RBFOX1: variants seen among roughly 807,000 people sequenced by gnomAD.
RBFOX1 encodes RNA binding fox-1 homolog 1, also known as RNA binding protein fox-1 homolog 1.
In RBFOX1, 8 loss-of-function variants were observed where a neutral mutation model predicts 57.7. The ratio of observed to expected loss-of-function variants is 0.14; its 90% confidence interval spans 0.08 to 0.25. The LOEUF (loss-of-function observed/expected upper bound fraction) is 0.25. RBFOX1 is among the 10% of genes least tolerant of loss of function. The pLI is 1.00. For missense variants in RBFOX1, 611 were observed against 548.5 expected (o/e 1.11, Z -1.14); for synonymous variants, 326 against 222.4 (o/e 1.47, Z -4.15).
At chr16:5,418,080 T>TCAACAACAACAA (rs58380992) in intron 1 of RBFOX1, among the ~76,000 whole-genome samples, 5 of 150,878 alleles carry the variant, frequency 3.3e-5, no homozygotes, top group African/African-American at 1.2e-4. Flanking sequence ...AAACTCCATC[T>TCAACAACAACAA]CAACAACAAC....
intron 1 of RBFOX1, chr16:6,037,575 CTTTTTTTTG>C (rs2095382462): frequency 1.4e-5 from 2 of 142,982 alleles, no homozygotes; most frequent in Non-Finnish European, 3.1e-5. Flanking sequence ...TCTTTTTTTT[CTTTTTTTTG>C]TTTTGTTTTG....
At chr16:5,271,827 C>T (rs984106620) in intron 1 of RBFOX1, among the ~76,000 whole-genome samples, 5 of 152,196 alleles carry the variant, frequency 3.3e-5, no homozygotes, top group Admixed American at 6.6e-5. Flanking sequence ...TTAGATTCCA[C>T]ATGTAAGTAA....
intron 4 of RBFOX1, among the ~76,000 whole-genome samples, chr16:7,387,065 T>C (rs1249955142): frequency 1.3e-5 from 2 of 152,178 alleles, no homozygotes; most frequent in East Asian, 3.9e-4. Flanking sequence ...GCCCACTTTT[T>C]GATGGGGTTG....
At chr16:6,083,358 T>C (rs1597132941) in intron 1 of RBFOX1, among the ~76,000 whole-genome samples, 1 of 152,334 alleles carries the variant, frequency 6.6e-6, no homozygotes, top group Non-Finnish European at 1.5e-5. Flanking sequence ...CACAGACATT[T>C]ATGGAGACTC....
At chr16:7,027,794 A>G (rs2153685695) in intron 3 of RBFOX1, among the ~76,000 whole-genome samples, 1 of 152,166 alleles carries the variant, frequency 6.6e-6, no homozygotes, top group South Asian at 2.1e-4. Flanking sequence ...TTTAAACAAG[A>G]AAAGGAAGAA....
At chr16:7,495,679 A>T (rs144028067) in intron 4 of RBFOX1, among the ~76,000 whole-genome samples, 97 of 152,242 alleles carry the variant, frequency 6.4e-4, no homozygotes, top group African/African-American at 2.2e-3. Context: ...AATTTATTCA[A>T]GTTTTAATAT....
chr16:6,838,156 G>T (rs1385798099), intron 3 of RBFOX1, among the ~76,000 whole-genome samples: 1 of 151,990 alleles, frequency 6.6e-6, no homozygotes, highest in East Asian at 1.9e-4. Flanking sequence ...TTAAGTATTT[G>T]TCCTAATGCT....
intron 4 of RBFOX1, among the ~76,000 whole-genome samples, chr16:7,431,891 A>G (rs533729278): frequency 9.2e-5 from 14 of 152,262 alleles, no homozygotes; most frequent in African/African-American, 3.4e-4. Context: ...TTCCCCCACC[A>G]TCCAGTTCAC....
intron 1 of RBFOX1, among the ~76,000 whole-genome samples, chr16:5,315,203 A>G (rs577391148): frequency 1.3e-5 from 2 of 152,180 alleles, no homozygotes; most frequent in South Asian, 2.1e-4. Flanking sequence ...TACCGGAGGG[A>G]AGATGCCAGA....
intron 3 of RBFOX1, among the ~76,000 whole-genome samples, chr16:6,849,743 C>G (rs2093965798): frequency 6.6e-6 from 1 of 152,124 alleles, no homozygotes; most frequent in South Asian, 2.1e-4. Flanking sequence ...GCCTACATCC[C>G]ACATATCCCT....
intron 2 of RBFOX1, among the ~76,000 whole-genome samples, chr16:6,569,666 C>T (rs990708587): frequency 3.9e-5 from 6 of 152,184 alleles, no homozygotes; most frequent in African/African-American, 1.4e-4. Flanking sequence ...GGGTGGTTTT[C>T]TGTGGGAACC....
intron 4 of RBFOX1, among the ~76,000 whole-genome samples, chr16:7,264,208 C>T (rs1185517936): frequency 6.6e-6 from 1 of 152,134 alleles, no homozygotes; most frequent in Non-Finnish European, 1.5e-5. Flanking sequence ...AACTGTGTTC[C>T]TTCAAAAAGA....
chr16:5,340,858 C>A (rs750475559), intron 1 of RBFOX1, among the ~76,000 whole-genome samples: 4 of 152,062 alleles, frequency 2.6e-5, no homozygotes, highest in Non-Finnish European at 4.4e-5. Context: ...TCCTACAGTT[C>A]CAGACAGTGA....
intron 1 of RBFOX1, among the ~76,000 whole-genome samples, chr16:5,352,464 G>A (rs965606731): frequency 8.5e-5 from 13 of 152,180 alleles, no homozygotes; most frequent in East Asian, 5.8e-4. Flanking sequence ...ATTTTCTTTC[G>A]TTGGCTTTTT....
chr16:5,420,878 C>T (rs2067299817), intron 1 of RBFOX1, among the ~76,000 whole-genome samples: 1 of 61,744 alleles, frequency 1.6e-5, no homozygotes, highest in African/African-American at 5.7e-5. Flanking sequence ...CCTCTCCCTC[C>T]CTCCCCCTCC....
chr16:6,060,423 T>A (rs1234709987), intron 1 of RBFOX1, among the ~76,000 whole-genome samples: 1 of 152,168 alleles, frequency 6.6e-6, no homozygotes, highest in African/African-American at 2.4e-5. Context: ...AAGGGTTAGC[T>A]GTAATTTTTG....
At chr16:6,994,889 C>G (rs966533851) in intron 3 of RBFOX1, among the ~76,000 whole-genome samples, 1 of 151,862 alleles carries the variant, frequency 6.6e-6, no homozygotes. Context: ...TCCAAATTAA[C>G]TTGGATATCT....
At chr16:5,802,452 C>G (rs754438280) in intron 3 of RBFOX1, among the ~76,000 whole-genome samples, 9 of 152,150 alleles carry the variant, frequency 5.9e-5, no homozygotes, top group Admixed American at 1.3e-4. Context: ...GATCTACAGG[C>G]TCAGGGGCCC....
At chr16:6,290,228 G>T (rs1465980756) in intron 1 of RBFOX1, among the ~76,000 whole-genome samples, 1 of 147,914 alleles carries the variant, frequency 6.8e-6, no homozygotes, top group Non-Finnish European at 1.5e-5. Context: ...GAGCATAGCA[G>T]TGATGTCCGT....
Sources: allele counts gnomAD v4.1 joint callset (sites outside exome capture counted in the v4.1 genomes callset), GRCh38; gene constraint gnomAD v4.1.1; transcripts MANE v1.5; gene names NCBI Gene and HGNC (gene_info 2026-07-23, HGNC 2026-07-21).